WDR37: variants seen among roughly 807,000 people sequenced by gnomAD.
The protein encoded by WDR37 is WD repeat domain 37.
WDR37 carries 19 observed loss-of-function variants against 62.9 expected under a neutral mutation model. That is an observed-to-expected ratio of 0.30 (90% CI 0.21 to 0.44). The LOEUF is 0.44. Ranked by LOEUF, WDR37 falls within the 20% of genes least tolerant of loss-of-function variation. The probability of loss-of-function intolerance (pLI) is 1.00; values close to 1 mark genes in which losing one functional copy is unlikely to be tolerated. For missense variants in WDR37, 474 were observed against 657.6 expected, an observed-to-expected ratio of 0.72 and a Z score of 3.05; for synonymous variants, 250 against 260.9, an observed-to-expected ratio of 0.96 and a Z score of 0.40.
chr10:1,097,829 G>C (rs1027325269), intron 9 of WDR37, among the ~76,000 whole-genome samples: 3 of 152,200 alleles, frequency 2.0e-5, no homozygotes, highest in African/African-American at 7.2e-5. Context: ...CGTCTGTCCA[G>C]TGCCTGCCCT....
chr10:1,126,916 A>G (rs1406467208), intron 13 of WDR37, among the ~76,000 whole-genome samples: 1 of 152,166 alleles, frequency 6.6e-6, no homozygotes, highest in African/African-American at 2.4e-5. Context: ...TGGAGTAGAA[A>G]AATTTCATGA....
chr10:1,098,690 G>A (rs3793774), intron 9 of WDR37, among the ~76,000 whole-genome samples: 61,322 of 152,020 alleles, frequency 0.4, 13,269 homozygotes, highest in South Asian at 0.53. Flanking sequence ...GCCACACACC[G>A]GAAGAGGGGA....
intron 1 of WDR37, among the ~76,000 whole-genome samples, chr10:1,064,851 C>G (rs1021061507): frequency 1.5e-4 from 23 of 152,068 alleles, no homozygotes; most frequent in Admixed American, 3.9e-4. Flanking sequence ...CTCGGCCTCC[C>G]TCACGCTTGC....
rs960497800 is a variant in WDR37, at chr10:1,121,622, A to G, written c.1104-2596A>G. On this transcript the variant is annotated intron_variant, in intron 11 of 13. Transcript: ENST00000263150. This position sits in a 1 kb window ranked among gnomAD's most constrained non-coding sequence, Gnocchi z 4.5. ...GTGATGCCGTGGTTTCCAGTTGGGC[A>G]GTTTCCCCCCAGGAGACAGTGTTTG... 2.0e-5 allele frequency among the ~76,000 whole-genome samples: 3 copies of G among 152,254 alleles called. No homozygotes were observed. The highest frequency in any genetic ancestry group is 7.2e-5 in the African/African-American group (3 of 41,538).
At chr10:1,067,517 A>C (rs948643649) in intron 1 of WDR37, among the ~76,000 whole-genome samples, 11 of 152,242 alleles carry the variant, frequency 7.2e-5, no homozygotes, top group African/African-American at 2.4e-4. Context: ...AGCTTAACCT[A>C]TGTGACATAT....
chr10:1,113,708 C>T (rs72760954), intron 11 of WDR37, among the ~76,000 whole-genome samples: 12,059 of 152,128 alleles, frequency 0.079, 858 homozygotes, highest in African/African-American at 0.19. Context: ...AGAAGTGGAT[C>T]CTGAAGATGG....
chr10:1,063,083 TA>T (rs57894038), intron 1 of WDR37, among the ~76,000 whole-genome samples: 603 of 137,292 alleles, frequency 4.4e-3, no homozygotes, highest in Middle Eastern at 7.4e-3. Flanking sequence ...GACACTCTGT[TA>T]AAAAAAAAAA....
At chr10:1,079,470 G>C (rs1833964504) in intron 3 of WDR37, among the ~76,000 whole-genome samples, 1 of 152,132 alleles carries the variant, frequency 6.6e-6, no homozygotes, top group Admixed American at 6.5e-5. Flanking sequence ...CCTGATAGCA[G>C]TGTCTTCCAC....
chr10:1,080,367 TTTGA>T, intron 4 of WDR37, 41 bp from the exon 5 acceptor site: 11 of 1,613,176 alleles, frequency 6.8e-6, no homozygotes, highest in South Asian at 1.1e-5. Flanking sequence ...GCTATAGGTC[TTTGA>T]TTGTGTGATT....
At chr10:1,068,262 A>T (rs1020988217) in intron 1 of WDR37, among the ~76,000 whole-genome samples, 4 of 151,732 alleles carry the variant, frequency 2.6e-5, no homozygotes, top group African/African-American at 7.3e-5. Context: ...CGGGTGGATC[A>T]TGAGGTCAGG....
chr10:1,065,070 C>T (rs908009298), intron 1 of WDR37, among the ~76,000 whole-genome samples: 2 of 152,072 alleles, frequency 1.3e-5, no homozygotes, highest in Non-Finnish European at 2.9e-5. Context: ...AGGAAATTCT[C>T]CAAACAGAAA....
At position 1,105,409 on chromosome 10, in the gene WDR37, ATTC is replaced by A; in HGVS notation, c.1103+145_1103+147del. On this transcript the variant is annotated intron_variant, in intron 11 of 13. Coordinates refer to ENST00000263150, the MANE Select transcript of WDR37 (RefSeq NM_014023.4). The surrounding 1 kb of genome is among the most constrained non-coding windows in gnomAD (Gnocchi z 5.3). ...AAATAACTACCTTTCAAATTCTGCT[ATTC>A]TTTTTCTAAACATTTAGCTCCATTT... 1 of 1,157,646 alleles carries A rather than the reference ATTC, an allele frequency of 8.6e-7. No homozygotes were observed. Among genetic ancestry groups the A allele is most frequent in the Non-Finnish European group, 1.2e-6 (1 of 835,018 alleles). The allele number at this position is 1,157,646 out of a possible 1,614,324, so 71.7% of individuals were successfully genotyped here. A position where few individuals can be genotyped will look rare whatever the true frequency, so the allele number is the denominator to read the frequency against.
At chr10:1,079,340 C>T (rs1833960942) in intron 3 of WDR37, among the ~76,000 whole-genome samples, 1 of 151,414 alleles carries the variant, frequency 6.6e-6, no homozygotes, top group Non-Finnish European at 1.5e-5. Flanking sequence ...CTGCCTCGGC[C>T]TCCAAAATTG....
chr10:1,098,803 T>C lies in WDR37; in HGVS notation c.726+2557T>C, dbSNP rs531135435. Among the ~76,000 whole-genome samples, 8 of 152,338 alleles carry C rather than the reference T, an allele frequency of 5.3e-5. No individual in the cohort carries two copies. The South Asian group carries it at 1.4e-3, about 28-fold the overall frequency. ...TTTTGAAGCCTTTTGGCCTGTAGTCTTGTGTTTTGGCAGCCTGCGTTGAAT... is the reference window on the plus strand; with the variant it reads ...TTTTGAAGCCTTTTGGCCTGTAGTCCTGTGTTTTGGCAGCCTGCGTTGAAT... On this transcript the variant is annotated intron_variant, in intron 9 of 13. Transcript: ENST00000263150.
intron 11 of WDR37, among the ~76,000 whole-genome samples, chr10:1,112,224 C>T (rs1835239717): frequency 6.6e-6 from 1 of 152,214 alleles, no homozygotes; most frequent in Non-Finnish European, 1.5e-5. Context: ...TCTCACAATA[C>T]TTCTTACTTT....
intron 13 of WDR37, among the ~76,000 whole-genome samples, chr10:1,127,099 T>C (rs1564197750): frequency 6.6e-6 from 1 of 152,220 alleles, no homozygotes; most frequent in Non-Finnish European, 1.5e-5. Context: ...GATTTTAAAA[T>C]TTCTGTGCAG....
intron 11 of WDR37, among the ~76,000 whole-genome samples, chr10:1,106,503 T>C (rs1835027006): frequency 6.6e-6 from 1 of 152,122 alleles, no homozygotes. Flanking sequence ...GAAAGGAAAA[T>C]AGGACTTTTT....
At chr10:1,096,762 A>G (rs1834594977) in intron 9 of WDR37, 1 of 154,586 alleles carries the variant, frequency 6.5e-6, no homozygotes, top group Non-Finnish European at 1.4e-5. Flanking sequence ...GAATGGGTAC[A>G]TGCTGCAGAC....
At chr10:1,082,873 A>T (rs1456968761) in intron 5 of WDR37, among the ~76,000 whole-genome samples, 1 of 152,078 alleles carries the variant, frequency 6.6e-6, no homozygotes, top group Non-Finnish European at 1.5e-5. Context: ...GAAGAATGTA[A>T]CTCTAGTAGT....
Sources: gnomAD v4.1 joint callset for allele counts (sites outside exome capture counted in the v4.1 genomes callset) on GRCh38, gnomAD v4.1.1 for gene constraint, Gnocchi (gnomAD v3.1) non-coding constraint, MANE v1.5 for transcripts, NCBI Gene and HGNC (gene_info 2026-07-23, HGNC 2026-07-21) for gene names.